Variants in NELL1 observed in about 807,000 individuals in gnomAD.
NELL1 encodes the protein protein kinase C-binding protein NELL1.
A neutral mutation model predicts 107.4 loss-of-function variants in NELL1; 76 were observed. The ratio of observed to expected loss-of-function variants is 0.71; its 90% CI spans 0.59 to 0.86. The LOEUF is 0.86. Among genes scored for constraint, NELL1 ranks in the 40% least tolerant of loss-of-function variants. NELL1 has a pLI of 0.00. For missense variants in NELL1, 1,024 were observed against 1,005.5 expected (o/e 1.02, Z -0.25); for synonymous variants, 353 against 341.2 (o/e 1.03, Z -0.38).
intron 15 of NELL1, among the ~76,000 whole-genome samples, chr11:21,429,999 A>G (rs1852926986): frequency 6.6e-6 from 1 of 152,194 alleles, no homozygotes; most frequent in African/African-American, 2.4e-5. Flanking sequence ...GACAATTTCT[A>G]TACGGAACTT....
rs34513498 is a variant in NELL1 at position 21,036,746 on chromosome 11, ACT to A, written c.1300+76188_1300+76189del. 3.0e-3 allele frequency among the ~76,000 whole-genome samples: 463 copies of A among 151,836 alleles called. 3 individuals carry two copies. The highest frequency in any genetic ancestry group is 0.011 in the African/African-American group (444 of 41,420). The stretch of plus-strand genomic sequence containing the variant: ...CTCTCTCTCTGTCTCACACACACAC[ACT>A]CACACACACAAACACACACACTTCT... On this transcript the variant is annotated intron_variant, in intron 12 of 19. Transcript: ENST00000357134.
chr11:20,764,702 G>A (rs1478789485), intron 2 of NELL1, among the ~76,000 whole-genome samples: 2 of 151,318 alleles, frequency 1.3e-5, no homozygotes, highest in African/African-American at 4.9e-5. Flanking sequence ...AGTGAGTGCT[G>A]AGAACTGCTC....
chr11:21,263,876 C>G (rs969906654), intron 14 of NELL1, among the ~76,000 whole-genome samples: 4 of 151,734 alleles, frequency 2.6e-5, no homozygotes, highest in African/African-American at 4.8e-5. Context: ...ATTCTCACAG[C>G]CTTTATAGGT....
chr11:21,249,832 A>G (rs1175945426), intron 14 of NELL1, among the ~76,000 whole-genome samples: 2 of 152,330 alleles, frequency 1.3e-5, no homozygotes, highest in East Asian at 3.9e-4. Context: ...GGTAACTGTC[A>G]GTTAAGTAAG....
chr11:21,146,355 A>T (rs1237597194), intron 13 of NELL1, among the ~76,000 whole-genome samples: 7 of 152,226 alleles, frequency 4.6e-5, no homozygotes, highest in Non-Finnish European at 8.8e-5. Context: ...TGCTAATTTC[A>T]TCAGGAAGCC....
intron 12 of NELL1, among the ~76,000 whole-genome samples, chr11:21,002,334 GAT>G (rs1176971748): frequency 1.4e-5 from 1 of 72,300 alleles, no homozygotes; most frequent in Non-Finnish European, 2.5e-5. Context: ...AGTCTGTGCA[GAT>G]ATTTGGACAT....
intron 3 of NELL1, among the ~76,000 whole-genome samples, chr11:20,817,608 T>G (rs1857651478): frequency 6.6e-6 from 1 of 152,090 alleles, no homozygotes. Flanking sequence ...TGTTGATCCT[T>G]TGTATGGATT....
chr11:21,290,924 A>G (rs1001963124), intron 14 of NELL1, among the ~76,000 whole-genome samples: 4 of 152,188 alleles, frequency 2.6e-5, no homozygotes, highest in African/African-American at 7.2e-5. Context: ...AAAAACAAGA[A>G]TGCCTCTTCT....
intron 14 of NELL1, among the ~76,000 whole-genome samples, chr11:21,297,385 G>A (rs1167958237): frequency 6.6e-6 from 1 of 151,946 alleles, no homozygotes; most frequent in African/African-American, 2.4e-5. Context: ...TTCTGTTGAA[G>A]GTGTACAGTG....
intron 11 of NELL1, among the ~76,000 whole-genome samples, chr11:20,959,979 ATAG>A (rs1399910188): frequency 2.0e-5 from 3 of 152,186 alleles, no homozygotes; most frequent in Admixed American, 2.0e-4. Context: ...AAAATTGAGG[ATAG>A]TTATCTCTAG....
At chr11:20,928,645 G>A (rs1205879547) in intron 9 of NELL1, among the ~76,000 whole-genome samples, 166 bp downstream of exon 9, 1 of 152,048 alleles carries the variant, frequency 6.6e-6, no homozygotes, top group Non-Finnish European at 1.5e-5. Context: ...TTAATCACTT[G>A]CAATGTGGCA....
chr11:20,805,350 T>G (rs1051387085), intron 3 of NELL1, among the ~76,000 whole-genome samples: 2 of 152,186 alleles, frequency 1.3e-5, no homozygotes, highest in Non-Finnish European at 2.9e-5. Flanking sequence ...GTTATTTATT[T>G]TCTAGTTGTT....
At chr11:21,543,329 G>A (rs148325138) in intron 16 of NELL1, among the ~76,000 whole-genome samples, 3 of 152,112 alleles carry the variant, frequency 2.0e-5, no homozygotes, top group African/African-American at 7.2e-5. Context: ...ACTTAACCAT[G>A]GAACTGTAAG....
At chr11:21,181,831 T>C (rs1214233981) in intron 13 of NELL1, among the ~76,000 whole-genome samples, 2 of 151,902 alleles carry the variant, frequency 1.3e-5, no homozygotes, top group African/African-American at 2.4e-5. Context: ...TTATTATTTT[T>C]TCTACTAGTG....
chr11:20,833,919 G>A (rs1337458214), intron 3 of NELL1, among the ~76,000 whole-genome samples: 1 of 152,208 alleles, frequency 6.6e-6, no homozygotes, highest in Non-Finnish European at 1.5e-5. Context: ...GATAGGCAGG[G>A]GCTAAAGCAT....
intron 15 of NELL1, among the ~76,000 whole-genome samples, chr11:21,421,457 A>T (rs915285688): frequency 9.2e-5 from 14 of 152,152 alleles, no homozygotes; most frequent in Admixed American, 2.6e-4. Flanking sequence ...TGCAGGAGCC[A>T]TGCTGGGCAA....
intron 4 of NELL1, among the ~76,000 whole-genome samples, chr11:20,853,283 A>G (rs1389802943): frequency 2.6e-5 from 4 of 152,226 alleles, no homozygotes; most frequent in East Asian, 1.9e-4. Flanking sequence ...TTTGTCTTCC[A>G]TGTTTCATAT....
At chr11:21,393,532 T>G (rs1851923406) in intron 15 of NELL1, among the ~76,000 whole-genome samples, 1 of 151,800 alleles carries the variant, frequency 6.6e-6, no homozygotes, top group Non-Finnish European at 1.5e-5. Context: ...GAAATAAAGT[T>G]ATTTTTAAAT....
intron 3 of NELL1, among the ~76,000 whole-genome samples, chr11:20,842,587 A>T (rs1263865641): frequency 6.6e-6 from 1 of 152,114 alleles, no homozygotes; most frequent in Non-Finnish European, 1.5e-5. Context: ...ATGCCACTGT[A>T]CCTAGTGAGC....
Sources: gnomAD v4.1 joint callset for allele counts (sites outside exome capture counted in the v4.1 genomes callset) on GRCh38, gnomAD v4.1.1 for gene constraint, MANE v1.5 for transcripts, NCBI Gene and HGNC (gene_info 2026-07-23, HGNC 2026-07-21) for gene names.